RARB: variants seen among roughly 807,000 people sequenced by gnomAD.
RARB encodes the protein retinoic acid receptor beta.
In RARB, 17 loss-of-function variants were observed where a neutral mutation model predicts 51.9. The ratio of observed to expected loss-of-function variants is 0.33; its 90% CI spans 0.22 to 0.49. The LOEUF (loss-of-function observed/expected upper bound fraction) is 0.49, where lower values mean the gene tolerates loss of function less well. RARB is among the 20% of genes least tolerant of loss of function. The pLI, the probability that RARB is intolerant of heterozygous loss-of-function variation, is 0.99. For missense variants in RARB, 369 were observed against 550.8 expected (o/e 0.67, Z 3.30); for synonymous variants, 215 against 195.4 (o/e 1.10, Z -0.84).
At chr3:25,205,096 T>G (rs1575218038) in intron 5 of RARB, among the ~76,000 whole-genome samples, 1 of 152,148 alleles carries the variant, frequency 6.6e-6, no homozygotes, top group East Asian at 1.9e-4. Flanking sequence ...CCTGGCTGCT[T>G]TGGTTACCTA....
chr3:24,947,834 G>A (rs893033064), intron 2 of RARB, among the ~76,000 whole-genome samples: 1 of 151,996 alleles, frequency 6.6e-6, no homozygotes, highest in Admixed American at 6.6e-5. Flanking sequence ...TGTGACTCTG[G>A]CCCAATTATT....
intron 2 of RARB, among the ~76,000 whole-genome samples, chr3:24,862,234 CAAAG>C (rs1702761419): frequency 6.6e-6 from 1 of 152,160 alleles, no homozygotes. Flanking sequence ...GATTCATACT[CAAAG>C]AATTATGACT....
Position 25,559,891 on chromosome 3 carries a change from A to G in RARB, c.449-9867A>G, listed in dbSNP as rs116549657. Among the ~76,000 whole-genome samples the G allele has an allele frequency of 7.8e-3, 1,185 of 152,294 alleles. 17 individuals carry two copies. The highest frequency in any genetic ancestry group is 0.027 in the African/African-American group (1,114 of 41,570). On this transcript the variant is annotated intron_variant, in intron 3 of 7. Transcript: ENST00000330688. ...GATGGACAGATGGATGCATGGATGA[A>G]TGAGTAGACAGAAGGACTGGATAAA...
chr3:24,878,921 A>C (rs1703102437), intron 2 of RARB, among the ~76,000 whole-genome samples: 1 of 152,200 alleles, frequency 6.6e-6, no homozygotes, highest in Non-Finnish European at 1.5e-5. Flanking sequence ...AAATTTATTT[A>C]GTTGTAAAAT....
intron 5 of RARB, among the ~76,000 whole-genome samples, chr3:25,389,009 C>A (rs777366949): frequency 6.6e-6 from 1 of 151,996 alleles, no homozygotes; most frequent in South Asian, 2.1e-4. Flanking sequence ...AAACATAATG[C>A]CGGTTGCAAG....
chr3:24,975,889 A>T (rs1696500735), intron 2 of RARB, among the ~76,000 whole-genome samples: 1 of 152,136 alleles, frequency 6.6e-6, no homozygotes, highest in Non-Finnish European at 1.5e-5. Context: ...CATTTACATT[A>T]GGTATTTCTC....
At chr3:25,072,004 T>C (rs959378206) in intron 3 of RARB, among the ~76,000 whole-genome samples, 9 of 152,232 alleles carry the variant, frequency 5.9e-5, no homozygotes, top group African/African-American at 1.9e-4. Context: ...AGAATCCACG[T>C]GAGGCATAGA....
intron 3 of RARB, among the ~76,000 whole-genome samples, chr3:25,558,951 A>T (rs1190514579): frequency 1.3e-5 from 2 of 151,464 alleles, no homozygotes; most frequent in Admixed American, 6.6e-5. Flanking sequence ...CTCCCCATCA[A>T]TCCCTGTCTC....
In RARB at chr3:25,043,235, T is replaced by C. The variant is rs148257789; in HGVS notation, c.-379-16890T>C. On this transcript the variant is annotated intron_variant, in intron 2 of 11. Coordinates refer to the RARB transcript ENST00000383772. ...TTATTGGAATCCATTTCTTTTTTAA[T>C]GTTGGATTCACAAGCTGTATTTCTA... Among the ~76,000 whole-genome samples, 54 of 152,364 alleles carry C rather than the reference T, an allele frequency of 3.5e-4. 4 individuals are homozygous for C. The East Asian group carries it at 9.4e-3, about 27-fold the overall frequency.
chr3:25,212,610 C>T (rs1046912024), intron 5 of RARB, among the ~76,000 whole-genome samples: 1 of 152,160 alleles, frequency 6.6e-6, no homozygotes, highest in Admixed American at 6.5e-5. Flanking sequence ...GAGCTAGACT[C>T]TGTCTCAAAA....
chr3:25,578,800 A>G (rs998940197), intron 4 of RARB, among the ~76,000 whole-genome samples: 1 of 152,244 alleles, frequency 6.6e-6, no homozygotes, highest in Admixed American at 6.5e-5. Context: ...CTTTCCATGC[A>G]GACGTTCAAA....
intron 5 of RARB, among the ~76,000 whole-genome samples, chr3:25,385,456 T>C (rs1706764859): frequency 6.6e-6 from 1 of 152,120 alleles, no homozygotes; most frequent in African/African-American, 2.4e-5. Flanking sequence ...CTGTCCTACA[T>C]GTCAGCTACT....
intron 2 of RARB, among the ~76,000 whole-genome samples, chr3:24,883,189 T>C (rs1241304161): frequency 6.6e-6 from 1 of 152,234 alleles, no homozygotes; most frequent in East Asian, 1.9e-4. Context: ...TAAAGCTGAA[T>C]TTTAAAGTTC....
intron 5 of RARB, among the ~76,000 whole-genome samples, chr3:25,347,884 A>G (rs942576416): frequency 1.5e-4 from 23 of 152,326 alleles, no homozygotes; most frequent in African/African-American, 5.5e-4. Flanking sequence ...TTGCAGGAGT[A>G]TGTACAGCCC....
intron 2 of RARB, among the ~76,000 whole-genome samples, chr3:25,059,899 A>G (rs1173439958): frequency 6.6e-6 from 1 of 151,824 alleles, no homozygotes; most frequent in Non-Finnish European, 1.5e-5. Context: ...GAAAGAGTTT[A>G]CATTGATAGA....
chr3:24,849,997 C>T (rs929096331), intron 1 of RARB, among the ~76,000 whole-genome samples: 4 of 152,154 alleles, frequency 2.6e-5, no homozygotes, highest in African/African-American at 4.8e-5. Context: ...AGACATTTCT[C>T]GCAGTTCTGA....
intron 3 of RARB, among the ~76,000 whole-genome samples, chr3:25,515,140 G>T (rs540895704): frequency 2.6e-5 from 4 of 152,334 alleles, no homozygotes; most frequent in South Asian, 2.1e-4. Flanking sequence ...TCTATGGAGT[G>T]CAAAGCCCCA....
intron 5 of RARB, among the ~76,000 whole-genome samples, chr3:25,209,534 T>C (rs1033833785): frequency 1.3e-5 from 2 of 152,166 alleles, no homozygotes; most frequent in Admixed American, 6.5e-5. Context: ...GTGAACATTG[T>C]TAAAGGAATC....
At chr3:25,460,259 G>T (rs1470267680) in intron 1 of RARB, among the ~76,000 whole-genome samples, 1 of 152,028 alleles carries the variant, frequency 6.6e-6, no homozygotes, top group Non-Finnish European at 1.5e-5. Context: ...CTTAAGTGAT[G>T]CCGATGCATG....
Sources: gnomAD v4.1 joint callset for allele counts (sites outside exome capture counted in the v4.1 genomes callset) on GRCh38, gnomAD v4.1.1 for gene constraint, MANE v1.5 for transcripts, NCBI Gene and HGNC (gene_info 2026-07-23, HGNC 2026-07-21) for gene names.